NEU3: variants seen among roughly 807,000 people sequenced by gnomAD.
NEU3 encodes sialidase-3.
Under a neutral mutation model 11.4 loss-of-function variants are expected in NEU3, and 10 were observed. The ratio of observed to expected loss-of-function variants is 0.88; its 90% CI spans 0.54 to 1.49. The LOEUF is 1.49. Among genes scored for constraint, NEU3 ranks in the 40% most tolerant of loss-of-function variants. The probability of loss-of-function intolerance (pLI) is 0.00; values close to 1 mark genes in which losing one functional copy is unlikely to be tolerated. For synonymous variants in NEU3, 212 were observed against 228.2 expected (o/e 0.93, Z 0.64); for missense variants, 529 against 581.8 (o/e 0.91, Z 0.93).
chr11:74,989,932 C>T lies in NEU3; in HGVS notation c.94+778C>T. 5.7e-6 allele frequency: 4 copies of T among 701,838 alleles called. No homozygotes were observed. The South Asian group carries it at 5.9e-5, about 10-fold the overall frequency. 43.5% of individuals were successfully genotyped at this position (701,838 alleles called of 1,614,324 possible). On this transcript the variant is annotated intron_variant, in intron 1 of 2. Transcript: ENST00000294064. Reference sequence around the variant, plus strand: ...GCTTAAATGAACCCCAGAGCAGGCCCATATCTGATTATTTTCTATCCCGTT... The same window carrying T: ...GCTTAAATGAACCCCAGAGCAGGCCTATATCTGATTATTTTCTATCCCGTT...
chr11:75,005,470 C>T lies in NEU3; in HGVS notation c.364C>T (p.Pro122Ser), dbSNP rs201872634. 662 of 1,613,838 alleles carry T rather than the reference C, an allele frequency of 4.1e-4. No individual in the cohort carries two copies. The highest frequency in any genetic ancestry group is 4.9e-4 in the Middle Eastern group (3 of 6,084). Residue 122 changes from proline to serine, a missense_variant, in exon 3 of 3, where the codon CCC (proline) becomes TCC (serine). Physicochemically the swap from Pro to Ser is moderately conservative, Grantham distance 74. Transcript: ENST00000294064. ...ATLPGHRTMN[P>S]CPVWEQKSGC... ...ACTACCGGGGCATCGGACCATGAAC[C>T]CCTGTCCTGTATGGGAGCAGAAGAG...
At chr11:74,993,115 G>A (rs2140235769) in intron 1 of NEU3, among the ~76,000 whole-genome samples, 1 of 152,278 alleles carries the variant, frequency 6.6e-6, no homozygotes, top group East Asian at 1.9e-4. Context: ...TAGAAACTTG[G>A]ACTTTAATAG....
At chr11:75,019,597 C>T (rs554834879), downstream of NEU3, among the ~76,000 whole-genome samples, 37 of 152,240 alleles carry the variant, frequency 2.4e-4, no homozygotes, top group Non-Finnish European at 5.0e-4. Context: ...AATGTGTGCA[C>T]AATGCATATG....
chr11:74,987,918 T>TTTTGAAA (rs1948687163), upstream of NEU3, among the ~76,000 whole-genome samples: 1 of 99,916 alleles, frequency 1.0e-5, no homozygotes, highest in African/African-American at 3.5e-5. Flanking sequence ...TTTTTTTTTT[T>TTTTGAAA]AGAAAAATAC....
intron 2 of NEU3, among the ~76,000 whole-genome samples, chr11:75,002,750 C>A (rs1170918612): frequency 6.6e-6 from 1 of 152,196 alleles, no homozygotes; most frequent in Non-Finnish European, 1.5e-5. Flanking sequence ...TATGGCCCCA[C>A]CCTCCTTCCC....
At chr11:74,987,483 T>A (rs1010460117), upstream of NEU3, among the ~76,000 whole-genome samples, 1 of 152,206 alleles carries the variant, frequency 6.6e-6, no homozygotes, top group African/African-American at 2.4e-5. Context: ...ATTTTTTTCA[T>A]GGAACCCTGG....
At chr11:75,001,295 T>TTTTTTTTGTTG in intron 2 of NEU3, among the ~76,000 whole-genome samples, 1 of 150,496 alleles carries the variant, frequency 6.6e-6, no homozygotes, top group Non-Finnish European at 1.5e-5. Context: ...CTTTTTTTTT[T>TTTTTTTTGTTG]TTTTGAGATG....
At chr11:74,981,875 G>A in the NEU3 span, among the ~76,000 whole-genome samples, 163 of 152,288 alleles carry the variant, frequency 1.1e-3, 2 homozygotes, top group East Asian at 0.029. Flanking sequence ...GGAGGAAAGA[G>A]TCCTGAGAAA....
At chr11:75,017,660 G>A (rs1005834220) in intron 3 of NEU3, among the ~76,000 whole-genome samples, 9 of 152,154 alleles carry the variant, frequency 5.9e-5, no homozygotes, top group African/African-American at 1.4e-4. Context: ...GGGGCCAAAG[G>A]CTGGCTCTCC....
chr11:74,997,361 A>G (rs1174272087), intron 2 of NEU3, among the ~76,000 whole-genome samples: 2 of 152,192 alleles, frequency 1.3e-5, no homozygotes, highest in African/African-American at 4.8e-5. Flanking sequence ...TGCAGCTTCC[A>G]TACCTCTCTC....
In NEU3 at chr11:74,989,056, G is replaced by A; in HGVS notation, c.-5G>A. 2 of 1,549,710 alleles carry A rather than the reference G, an allele frequency of 1.3e-6. No individual in the cohort carries two copies. Among genetic ancestry groups the A allele is most frequent in the South Asian group, 2.4e-5 (2 of 84,012 alleles). On this transcript the variant is annotated 5_prime_UTR_variant, in exon 1 of 3. Coordinates refer to ENST00000294064, the MANE Select transcript of NEU3 (RefSeq NM_006656.6). The stretch of plus-strand genomic sequence containing the variant: ...GGGGCCGGTGCCTCTTCCGGGCTTC[G>A]GCGAATGAGACCTGCGGACCTGCCC...
At chr11:74,997,511 A>T (rs1948800581) in intron 2 of NEU3, among the ~76,000 whole-genome samples, 1 of 152,126 alleles carries the variant, frequency 6.6e-6, no homozygotes, top group African/African-American at 2.4e-5. Context: ...TTGCTTTCTT[A>T]TCATTCCTGT....
At chr11:74,981,623 A>G in the NEU3 span, among the ~76,000 whole-genome samples, 1 of 152,148 alleles carries the variant, frequency 6.6e-6, no homozygotes, top group African/African-American at 2.4e-5. Flanking sequence ...TAATAAAGTT[A>G]TTTGTCTCTG....
At position 75,008,167 on chromosome 11, in the gene NEU3, T is replaced by A. The variant is rs1490399137; in HGVS notation, c.*1675T>A. 1 of 152,252 alleles carries A rather than the reference T, an allele frequency of 6.6e-6. No individual in the cohort carries two copies. The highest frequency in any genetic ancestry group is 1.5e-5 in the Non-Finnish European group (1 of 68,048). The allele number at this position is 152,252 out of a possible 1,614,324, so 9.4% of individuals were successfully genotyped here. A position where few individuals can be genotyped will look rare whatever the true frequency, so the allele number is the denominator to read the frequency against. On this transcript the variant is annotated 3_prime_UTR_variant, in exon 3 of 3. Transcript: ENST00000294064. ...GTGCCTAATACAAGGTACTTTCTAC[T>A]GCCATTCCTTGGCTCTAAATCATTT...
At chr11:74,998,231 A>G (rs1948812282) in intron 2 of NEU3, among the ~76,000 whole-genome samples, 1 of 152,248 alleles carries the variant, frequency 6.6e-6, no homozygotes, top group African/African-American at 2.4e-5. Flanking sequence ...ATCAAAGATC[A>G]CTGATGAAAG....
rs1365741070 is a variant in NEU3, at chr11:74,988,977, C to A, written c.-84C>A. On this transcript the variant is annotated 5_prime_UTR_variant, in exon 1 of 3. Coordinates refer to ENST00000294064, the MANE Select transcript of NEU3 (RefSeq NM_006656.6). The stretch of plus-strand genomic sequence containing the variant: ...TCTCGGGGCTTGTCTCCGTGTCCTC[C>A]GTCTCAGTTGTTTCTCCCTCTCTAT... 8 of 1,021,322 alleles carry A rather than the reference C, an allele frequency of 7.8e-6. No individual in the cohort carries two copies. In the Admixed American group the frequency reaches 9.6e-5, roughly 12 times the overall value. The allele number at this position is 1,021,322 out of a possible 1,614,324, so 63.3% of individuals were successfully genotyped here.
At chr11:75,011,228 C>G (rs1044306804), downstream of NEU3, among the ~76,000 whole-genome samples, 1 of 152,154 alleles carries the variant, frequency 6.6e-6, no homozygotes, top group Non-Finnish European at 1.5e-5. Context: ...CATATCTTAC[C>G]CTTTTTTCAA....
In NEU3 at chr11:74,994,983, C is replaced by T. The variant is rs149886288; in HGVS notation, c.306+263C>T. 308 of 624,090 alleles carry T rather than the reference C, an allele frequency of 4.9e-4. No individual in the cohort carries two copies. In the African/African-American group the frequency reaches 5.0e-3, roughly 10 times the overall value. The allele number at this position is 624,090 out of a possible 1,614,324, so 38.7% of individuals were successfully genotyped here. A position where few individuals can be genotyped will look rare whatever the true frequency, so the allele number is the denominator to read the frequency against. ...GGAAACTGAGACTCAGAGAGGTTGCCATTTGCTCAAGGTTATACAGCTATA... is the reference window on the plus strand; with the variant it reads ...GGAAACTGAGACTCAGAGAGGTTGCTATTTGCTCAAGGTTATACAGCTATA... On this transcript the variant is annotated intron_variant, in intron 2 of 2. Transcript: ENST00000294064.
intron 1 of NEU3, among the ~76,000 whole-genome samples, chr11:74,990,689 G>T (rs141044685): frequency 6.6e-6 from 1 of 152,014 alleles, no homozygotes; most frequent in African/African-American, 2.4e-5. Context: ...GCCCTAACCC[G>T]CTCCATGCCT....
Sources: gnomAD v4.1 joint callset for allele counts (sites outside exome capture counted in the v4.1 genomes callset) on GRCh38, gnomAD v4.1.1 for gene constraint, MANE v1.5 for transcripts, NCBI Gene and HGNC (gene_info 2026-07-23, HGNC 2026-07-21) for gene names.